PDE4D: variants seen among roughly 807,000 people sequenced by gnomAD.
PDE4D encodes the protein phosphodiesterase 4D.
A neutral mutation model predicts 87.4 loss-of-function variants in PDE4D; 24 were observed. The ratio of observed to expected loss-of-function variants is 0.27; its 90% confidence interval spans 0.20 to 0.39. The LOEUF (loss-of-function observed/expected upper bound fraction) is 0.39. PDE4D is among the 10% of genes least tolerant of loss of function. PDE4D has a pLI of 1.00. For synonymous variants in PDE4D, 384 were observed against 383.2 expected (o/e 1.00, Z -0.02); for missense variants, 714 against 1,041.0 (o/e 0.69, Z 4.32).
intron 1 of PDE4D, among the ~76,000 whole-genome samples, chr5:59,383,415 C>A (rs919815304): frequency 6.6e-6 from 1 of 152,114 alleles, no homozygotes; most frequent in Non-Finnish European, 1.5e-5. Context: ...CCTCAAAGGG[C>A]CCTTTCTAAC....
chr5:60,407,519 T>A (rs570558602), intron 1 of PDE4D, among the ~76,000 whole-genome samples: 1 of 133,920 alleles, frequency 7.5e-6, no homozygotes, highest in Non-Finnish European at 1.6e-5. Flanking sequence ...AGTGGCACGA[T>A]CTCGGCTCAC....
intron 4 of PDE4D, among the ~76,000 whole-genome samples, chr5:59,182,243 C>T (rs1741807323): frequency 6.9e-6 from 1 of 145,234 alleles, no homozygotes. Flanking sequence ...TAATTATCTT[C>T]TTCTTCTTAA....
intron 5 of PDE4D, among the ~76,000 whole-genome samples, chr5:59,168,193 T>A (rs1782189682): frequency 6.6e-6 from 1 of 151,900 alleles, no homozygotes; most frequent in African/African-American, 2.4e-5. Flanking sequence ...GCTAGGAAAC[T>A]TTTGCCTAGC....
intron 1 of PDE4D, among the ~76,000 whole-genome samples, chr5:60,218,047 A>G (rs1744069824): frequency 2.0e-5 from 3 of 152,080 alleles, no homozygotes; most frequent in African/African-American, 7.2e-5. Context: ...AACTCTAGCT[A>G]TGTCAACTAA....
At chr5:60,381,913 T>C (rs564913594) in intron 1 of PDE4D, among the ~76,000 whole-genome samples, 1 of 152,322 alleles carries the variant, frequency 6.6e-6, no homozygotes, top group Non-Finnish European at 1.5e-5. Flanking sequence ...GAAACTTGGC[T>C]GTCTACATAT....
At chr5:59,806,452 T>A (rs951329502) in intron 1 of PDE4D, among the ~76,000 whole-genome samples, 3 of 152,222 alleles carry the variant, frequency 2.0e-5, no homozygotes, top group African/African-American at 7.2e-5. Context: ...ATGTTGTTTT[T>A]AGACAAGTAT....
intron 1 of PDE4D, among the ~76,000 whole-genome samples, chr5:60,211,278 ACCAGTTC>A (rs1421869778): frequency 6.6e-6 from 1 of 152,048 alleles, no homozygotes; most frequent in Non-Finnish European, 1.5e-5. Flanking sequence ...GTGGACTTTA[ACCAGTTC>A]CCAGGAGGCG....
chr5:60,399,096 T>C lies in PDE4D; in HGVS notation c.-90+88846A>G, dbSNP rs190545580. Among the ~76,000 whole-genome samples the C allele has an allele frequency of 6.6e-5, 10 of 152,342 alleles. No individual in the cohort carries two copies. The East Asian group carries it at 1.7e-3, about 26-fold the overall frequency. ...GCCCCACTTAAATAATTGCTTTTTA[T>C]TTCCTTTCATCTGATCCATTCTAGG... On this transcript the variant is annotated intron_variant, in intron 1 of 16. Transcript: ENST00000502484.
At chr5:59,656,759 G>C (rs1403949785) in intron 1 of PDE4D, among the ~76,000 whole-genome samples, 1 of 152,126 alleles carries the variant, frequency 6.6e-6, no homozygotes, top group African/African-American at 2.4e-5. Context: ...GTATGGAATT[G>C]GGTGATTCTG....
At chr5:59,587,436 C>T in intron 1 of PDE4D, 1 of 985,150 alleles carries the variant, frequency 1.0e-6, no homozygotes, top group Non-Finnish European at 1.2e-6. Context: ...GATTCTCATG[C>T]CCAAGCTATA....
intron 5 of PDE4D, among the ~76,000 whole-genome samples, chr5:59,133,536 T>C (rs1356947144): frequency 1.3e-5 from 2 of 152,162 alleles, no homozygotes; most frequent in African/African-American, 2.4e-5. Flanking sequence ...CTTAATTTAA[T>C]AAATCTCTTG....
intron 1 of PDE4D, among the ~76,000 whole-genome samples, chr5:59,361,268 G>C (rs1782180282): frequency 6.6e-6 from 1 of 152,024 alleles, no homozygotes; most frequent in East Asian, 1.9e-4. Context: ...AAGTTCCTAA[G>C]AGATTTTTCT....
At chr5:59,235,023 A>C (rs1190621115) in intron 1 of PDE4D, among the ~76,000 whole-genome samples, 2 of 151,594 alleles carry the variant, frequency 1.3e-5, no homozygotes, top group Admixed American at 1.3e-4. Context: ...TCAGAACTTA[A>C]GTTAAATTTG....
At chr5:60,286,379 C>T (rs1752417476) in intron 1 of PDE4D, among the ~76,000 whole-genome samples, 1 of 152,128 alleles carries the variant, frequency 6.6e-6, no homozygotes, top group African/African-American at 2.4e-5. Flanking sequence ...GTCAGGGCCA[C>T]TTTTTTCTTA....
intron 3 of PDE4D, among the ~76,000 whole-genome samples, chr5:59,985,513 C>T (rs538155489): frequency 5.3e-5 from 8 of 152,186 alleles, no homozygotes; most frequent in Admixed American, 1.3e-4. Flanking sequence ...TTTTCTAGTC[C>T]TCAATATTCA....
At chr5:60,415,726 G>C (rs1462204133) in intron 1 of PDE4D, among the ~76,000 whole-genome samples, 2 of 152,212 alleles carry the variant, frequency 1.3e-5, no homozygotes, top group Admixed American at 6.5e-5. Flanking sequence ...TGTGCAGCCC[G>C]AGCCTCCCTG....
intron 1 of PDE4D, among the ~76,000 whole-genome samples, chr5:59,392,691 G>A (rs922713682): frequency 2.0e-5 from 3 of 152,014 alleles, no homozygotes; most frequent in Non-Finnish European, 2.9e-5. Context: ...AAGTCACTGC[G>A]CATGCAGGTG....
At chr5:59,908,282 CAT>C (rs1753054396) in intron 3 of PDE4D, among the ~76,000 whole-genome samples, 1 of 152,034 alleles carries the variant, frequency 6.6e-6, no homozygotes, top group Non-Finnish European at 1.5e-5. Context: ...AATTTGTTCA[CAT>C]GTCTAAATGA....
chr5:59,893,712 C>T lies in PDE4D; in HGVS notation c.-90G>A. The T allele has an allele frequency of 1.4e-6, 2 of 1,380,272 alleles. No individual in the cohort carries two copies. Among genetic ancestry groups the T allele is most frequent in the Non-Finnish European group, 1.9e-6 (2 of 1,078,210 alleles). 85.5% of individuals were successfully genotyped at this position (1,380,272 alleles called of 1,614,324 possible). On this transcript the variant is annotated 5_prime_UTR_variant, in exon 1 of 15. Coordinates refer to ENST00000340635, the MANE Select transcript of PDE4D (RefSeq NM_001104631.2). ...CTGATGCTGCTGCTGCTGCTGCCGC[C>T]GCCGCCGCTTCTGCAGCCCAGCAGA...
Sources: allele counts gnomAD v4.1 joint callset (sites outside exome capture counted in the v4.1 genomes callset), GRCh38; gene constraint gnomAD v4.1.1; transcripts MANE v1.5; gene names NCBI Gene and HGNC (gene_info 2026-07-23, HGNC 2026-07-21).